C1orf122: variants seen among roughly 807,000 people sequenced by gnomAD.
The protein encoded by C1orf122 is chromosome 1 open reading frame 122.
C1orf122 carries 12 observed loss-of-function variants against 12.9 expected under a neutral mutation model. The observed-to-expected ratio is 0.93, with a 90% confidence interval of 0.60 to 1.51. The LOEUF (loss-of-function observed/expected upper bound fraction) is 1.51, where lower values mean the gene tolerates loss of function less well. Ranked by LOEUF, C1orf122 falls within the 40% of genes most tolerant of loss-of-function variation. The pLI, the probability that C1orf122 is intolerant of heterozygous loss-of-function variation, is 0.00. For synonymous variants in C1orf122, 57 were observed against 73.4 expected (o/e 0.78, Z 1.14); for missense variants, 144 against 162.1 (o/e 0.89, Z 0.61).
Position 37,808,514 on chromosome 1 carries a change from C to T in C1orf122, c.36-17C>T, listed in dbSNP as rs1038415024. On this transcript the variant is annotated splice_polypyrimidine_tract_variant and intron_variant, in intron 1 of 2. Coordinates refer to ENST00000373042, the MANE Select transcript of C1orf122 (RefSeq NM_198446.3). ...GCGCCGGCCCTGACCGTCTGTCTCTCGCTCTCTCCCGGGCAGGGAGGCTGC... is the reference window on the plus strand; with the variant it reads ...GCGCCGGCCCTGACCGTCTGTCTCTTGCTCTCTCCCGGGCAGGGAGGCTGC... 9 of 1,289,396 alleles carry T rather than the reference C, an allele frequency of 7.0e-6. No homozygotes were observed. Among genetic ancestry groups the T allele is most frequent in the South Asian group, 2.5e-5 (1 of 40,150 alleles). 79.9% of individuals were successfully genotyped at this position (1,289,396 alleles called of 1,614,324 possible).
In C1orf122 at chr1:37,809,253, C is replaced by G; in HGVS notation, c.*180C>G. On this transcript the variant is annotated 3_prime_UTR_variant, in exon 3 of 3. Coordinates refer to ENST00000373042, the MANE Select transcript of C1orf122 (RefSeq NM_198446.3). ...ACTCCCACTTCATCCTGGCTGAAAG[C>G]AGTGCTGTGCTTTGAAATGCAGCCA... 1 of 815,160 alleles carries G rather than the reference C, an allele frequency of 1.2e-6. No homozygotes were observed. 50.5% of individuals were successfully genotyped at this position (815,160 alleles called of 1,614,324 possible).
intron 2 of C1orf122, 26 bp from the exon 3 acceptor site, chr1:37,808,952 A>C: frequency 6.2e-7 from 1 of 1,606,176 alleles, no homozygotes; most frequent in Non-Finnish European, 8.5e-7. Context: ...TCCCAGCCTC[A>C]CTTTTTTCCT....
rs901376849 is a variant in C1orf122 at position 37,808,374 on chromosome 1, G to A, written c.-31G>A. ...GCGCTGGGGAGGGGGGCGGCCGAAA[G>A]GGGGGCGGTGGTCGGGCCGCGCAAG... is the stretch of plus-strand genomic sequence containing the variant. On this transcript the variant is annotated 5_prime_UTR_variant, in exon 1 of 3. Coordinates refer to ENST00000373042, the MANE Select transcript of C1orf122 (RefSeq NM_198446.3). The A allele has an allele frequency of 5.5e-5, 71 of 1,287,470 alleles. No individual in the cohort carries two copies. Among genetic ancestry groups the A allele is most frequent in the Non-Finnish European group, 6.7e-5 (68 of 1,019,106 alleles). 79.8% of individuals were successfully genotyped at this position (1,287,470 alleles called of 1,614,324 possible).
rs1032324046 is a variant in C1orf122, at chr1:37,808,609, G to T, written c.114G>T (p.Glu38Asp). ...GRPPPQPPRE[E>D]RAQQLLDAVE... The stretch of plus-strand genomic sequence containing the variant: ...CACCCCCACAGCCGCCCCGGGAGGA[G>T]CGCGCCCAGCAGCTGCTGGACGCGG... Residue 38 changes from glutamate (E) to aspartate (D), a missense_variant, in exon 2 of 3, where the codon GAG (glutamate) becomes GAT (aspartate). Physicochemically the swap from Glu to Asp is conservative, Grantham distance 45. Coordinates refer to ENST00000373042, the MANE Select transcript of C1orf122 (RefSeq NM_198446.3). 15 of 1,307,298 alleles carry T rather than the reference G, an allele frequency of 1.1e-5. No individual in the cohort carries two copies. In the Admixed American group the frequency reaches 2.9e-4, roughly 25 times the overall value. The allele number at this position is 1,307,298 out of a possible 1,614,324, so 81.0% of individuals were successfully genotyped here.
Position 37,808,054 on chromosome 1 carries a change from G to A in C1orf122, c.-351G>A. 3 of 1,324,040 alleles carry A rather than the reference G, an allele frequency of 2.3e-6. No individual in the cohort carries two copies. The highest frequency in any genetic ancestry group is 3.1e-5 in the East Asian group (1 of 32,198). The allele number at this position is 1,324,040 out of a possible 1,614,324, so 82.0% of individuals were successfully genotyped here. On this transcript the variant is annotated 5_prime_UTR_variant, in exon 1 of 3. Transcript: ENST00000373042. ...GGGAGCCGCAACAGCCGGGCGCCGGGGGCCGCCGGAGCGGGACTCGGCGGG... is the reference window on the plus strand; with the variant it reads ...GGGAGCCGCAACAGCCGGGCGCCGGAGGCCGCCGGAGCGGGACTCGGCGGG...
At position 37,808,083 on chromosome 1, in the gene C1orf122, A is replaced by T; in HGVS notation, c.-322A>T. On this transcript the variant is annotated 5_prime_UTR_variant, in exon 1 of 3. Coordinates refer to ENST00000373042, the MANE Select transcript of C1orf122 (RefSeq NM_198446.3). Reference sequence around the variant, plus strand: ...CGCCGGAGCGGGACTCGGCGGGCGGAAGAGGCGACCGCTCCGGGAGCCAGC... The same window carrying T: ...CGCCGGAGCGGGACTCGGCGGGCGGTAGAGGCGACCGCTCCGGGAGCCAGC... 2 of 1,369,196 alleles carry T rather than the reference A, an allele frequency of 1.5e-6. No individual in the cohort carries two copies. The highest frequency in any genetic ancestry group is 1.9e-6 in the Non-Finnish European group (2 of 1,065,990). 84.8% of individuals were successfully genotyped at this position (1,369,196 alleles called of 1,614,324 possible). A position where few individuals can be genotyped will look rare whatever the true frequency, so the allele number is the denominator to read the frequency against.
In C1orf122 at chr1:37,807,856, G is replaced by A. The variant is rs1253168135; in HGVS notation, c.-549G>A. ...GGCTTGGCCTCGCTGCGACCCTTGA[G>A]GCGGTACACAGCGCGCAGAGCCGCC... On this transcript the variant is annotated 5_prime_UTR_variant, in exon 1 of 3. Transcript: ENST00000373042. The A allele has an allele frequency of 5.3e-6, 8 of 1,498,676 alleles. No homozygotes were observed. Among genetic ancestry groups the A allele is most frequent in the East Asian group, 2.7e-5 (1 of 36,872 alleles). The allele number at this position is 1,498,676 out of a possible 1,614,324, so 92.8% of individuals were successfully genotyped here.
Position 37,807,870 on chromosome 1 carries a change from C to A in C1orf122, c.-535C>A. 6.8e-7 allele frequency: 1 copy of A among 1,471,820 alleles called. No homozygotes were observed. The highest frequency in any genetic ancestry group is 9.0e-7 in the Non-Finnish European group (1 of 1,111,526). The allele number at this position is 1,471,820 out of a possible 1,614,324, so 91.2% of individuals were successfully genotyped here. On this transcript the variant is annotated 5_prime_UTR_variant, in exon 1 of 3. Coordinates refer to ENST00000373042, the MANE Select transcript of C1orf122 (RefSeq NM_198446.3). The stretch of plus-strand genomic sequence containing the variant: ...GCGACCCTTGAGGCGGTACACAGCG[C>A]GCAGAGCCGCCGAGCAGCTCGCCGC...
chr1:37,808,359 G>T lies in C1orf122; in HGVS notation c.-46G>T, dbSNP rs942912225. 21 of 1,285,782 alleles carry T rather than the reference G, an allele frequency of 1.6e-5. No individual in the cohort carries two copies. In the Admixed American group the frequency reaches 2.1e-4, roughly 13 times the overall value. 79.6% of individuals were successfully genotyped at this position (1,285,782 alleles called of 1,614,324 possible). On this transcript the variant is annotated 5_prime_UTR_variant, in exon 1 of 3. The change creates a new upstream start codon in the 5' untranslated region. Coordinates refer to ENST00000373042, the MANE Select transcript of C1orf122 (RefSeq NM_198446.3). ...CGAAGCCCTAACGCAGCGCTGGGGA[G>T]GGGGGCGGCCGAAAGGGGGGCGGTG...
chr1:37,809,001 GC>G lies in C1orf122; in HGVS notation c.268del (p.Gln90SerfsTer42), dbSNP rs747134922. 5.0e-6 allele frequency: 8 copies of G among 1,613,226 alleles called. No individual in the cohort carries two copies. The highest frequency in any genetic ancestry group is 2.2e-5 in the East Asian group (1 of 44,884). ...AGAACGTCTCAGCCAAACCTGGAGC[GC>G]CCCCCCAGCCGGCTGTCTCCGCCAG... Reference protein sequence around the residue: ...GGNVSAKPGAPPQPAVSARGG... With the variant: ...GGNVSAKPGAXPQPAVSARGG... On this transcript the variant is annotated frameshift_variant, in exon 3 of 3. Transcript: ENST00000373042. LOFTEE classifies it high-confidence loss of function.
rs771450359 is a variant in C1orf122, at chr1:37,808,935, C to G, written c.238-43C>G. ...CATCCTTGTGGGGCCTAATCCAAGGCCTTGCCTCCCAGCCTCACTTTTTTC... is the reference window on the plus strand; with the variant it reads ...CATCCTTGTGGGGCCTAATCCAAGGGCTTGCCTCCCAGCCTCACTTTTTTC... On this transcript the variant is annotated intron_variant, in intron 2 of 2. Coordinates refer to ENST00000373042, the MANE Select transcript of C1orf122 (RefSeq NM_198446.3). The G allele has an allele frequency of 5.0e-6, 8 of 1,590,792 alleles. No individual in the cohort carries two copies. The East Asian group carries it at 1.8e-4, about 36-fold the overall frequency.
chr1:37,809,115 G>A lies in C1orf122; in HGVS notation c.*42G>A. ...TACCCTGACTTCTCTCCCTCCCCAG[G>A]GCCGGTGGCTGGACTCTGAACAACT... On this transcript the variant is annotated 3_prime_UTR_variant, in exon 3 of 3. Transcript: ENST00000373042. 6.2e-7 allele frequency: 1 copy of A among 1,605,058 alleles called. No homozygotes were observed. Among genetic ancestry groups the A allele is most frequent in the Non-Finnish European group, 8.5e-7 (1 of 1,171,684 alleles).
chr1:37,808,444 GA>G lies in C1orf122; in HGVS notation c.35+6del. On this transcript the variant is annotated splice_donor_region_variant and intron_variant, in intron 1 of 2. Transcript: ENST00000373042. ...GGGCTCAGACTGGTCACGGGGGTGA[GA>G]GGGGGCCCGTCGGGGCGGGAGGAAG... 1 of 1,280,450 alleles carries G rather than the reference GA, an allele frequency of 7.8e-7. No homozygotes were observed. The highest frequency in any genetic ancestry group is 9.9e-7 in the Non-Finnish European group (1 of 1,014,986). The allele number at this position is 1,280,450 out of a possible 1,614,324, so 79.3% of individuals were successfully genotyped here. A position where few individuals can be genotyped will look rare whatever the true frequency, so the allele number is the denominator to read the frequency against.
Position 37,808,970 on chromosome 1 carries a change from C to G in C1orf122, c.238-8C>G. On this transcript the variant is annotated splice_polypyrimidine_tract_variant and splice_region_variant and intron_variant, in intron 2 of 2. Transcript: ENST00000373042. The stretch of plus-strand genomic sequence containing the variant: ...CAGCCTCACTTTTTTCCTTTCTGTT[C>G]CAACTAGAACGTCTCAGCCAAACCT... 1 of 1,611,818 alleles carries G rather than the reference C, an allele frequency of 6.2e-7. No individual in the cohort carries two copies. Among genetic ancestry groups the G allele is most frequent in the Non-Finnish European group, 8.5e-7 (1 of 1,179,448 alleles).
In C1orf122 at chr1:37,808,071, C is replaced by G. The variant is rs894010524; in HGVS notation, c.-334C>G. ...GGCGCCGGGGGCCGCCGGAGCGGGA[C>G]TCGGCGGGCGGAAGAGGCGACCGCT... On this transcript the variant is annotated 5_prime_UTR_variant, in exon 1 of 3. Transcript: ENST00000373042. 1.3e-5 allele frequency: 17 copies of G among 1,357,596 alleles called. No individual in the cohort carries two copies. In the African/African-American group the frequency reaches 2.0e-4, roughly 16 times the overall value. The allele number at this position is 1,357,596 out of a possible 1,614,324, so 84.1% of individuals were successfully genotyped here. A position where few individuals can be genotyped will look rare whatever the true frequency, so the allele number is the denominator to read the frequency against.
chr1:37,808,219 G>C lies in C1orf122; in HGVS notation c.-186G>C, dbSNP rs1310345156. The C allele has an allele frequency of 7.1e-7, 1 of 1,400,630 alleles. No individual in the cohort carries two copies. Among genetic ancestry groups the C allele is most frequent in the South Asian group, 1.5e-5 (1 of 66,946 alleles). 86.8% of individuals were successfully genotyped at this position (1,400,630 alleles called of 1,614,324 possible). A position where few individuals can be genotyped will look rare whatever the true frequency, so the allele number is the denominator to read the frequency against. ...CTTCCGGGAGGAAGTGACGCTCCCA[G>C]CCAGCTTCCGGTCCAGGAGACTCGG... is the stretch of plus-strand genomic sequence containing the variant. On this transcript the variant is annotated 5_prime_UTR_variant, in exon 1 of 3. Transcript: ENST00000373042.
In C1orf122 at chr1:37,808,169, C is replaced by A. The variant is rs989873632; in HGVS notation, c.-236C>A. 2 of 1,456,400 alleles carry A rather than the reference C, an allele frequency of 1.4e-6. No individual in the cohort carries two copies. The highest frequency in any genetic ancestry group is 1.5e-5 in the African/African-American group (1 of 68,158). 90.2% of individuals were successfully genotyped at this position (1,456,400 alleles called of 1,614,324 possible). A position where few individuals can be genotyped will look rare whatever the true frequency, so the allele number is the denominator to read the frequency against. ...CGGCCCTCATCCCCCTGCACCGACG[C>A]GCCGGAGACATCCGCCCAGGCCCGC... On this transcript the variant is annotated 5_prime_UTR_variant, in exon 1 of 3. Transcript: ENST00000373042.
At chr1:37,808,900 C>G (rs922864227) in intron 2 of C1orf122, 78 bp from the exon 3 acceptor site, 2 of 1,505,206 alleles carry the variant, frequency 1.3e-6, no homozygotes, top group Non-Finnish European at 1.8e-6. Context: ...ATCCAAATGC[C>G]AAATGGCCAC....
Position 37,809,238 on chromosome 1 carries a change from C to A in C1orf122, c.*165C>A. On this transcript the variant is annotated 3_prime_UTR_variant, in exon 3 of 3. Transcript: ENST00000373042. ...CTAGCAGCTGGGTTCACTCCCACTT[C>A]ATCCTGGCTGAAAGCAGTGCTGTGC... is the stretch of plus-strand genomic sequence containing the variant. The A allele has an allele frequency of 1.2e-6, 1 of 854,858 alleles. No homozygotes were observed. Among genetic ancestry groups the A allele is most frequent in the Non-Finnish European group, 2.0e-6 (1 of 489,092 alleles). 53.0% of individuals were successfully genotyped at this position (854,858 alleles called of 1,614,324 possible).
Sources: gnomAD v4.1 joint callset for allele counts on GRCh38, gnomAD v4.1.1 for gene constraint, MANE v1.5 for transcripts, NCBI Gene and HGNC (gene_info 2026-07-23, HGNC 2026-07-21) for gene names.